The following RTTN variants were observed in gnomAD, a reference collection of about 807,000 sequenced individuals.
RTTN encodes the protein rotatin.
Under a neutral mutation model 269.2 loss-of-function variants are expected in RTTN, and 182 were observed. That is an observed-to-expected ratio of 0.68 (90% CI 0.60 to 0.76). The LOEUF (loss-of-function observed/expected upper bound fraction) is 0.76, where lower values mean the gene tolerates loss of function less well. Among genes scored for constraint, RTTN ranks in the 30% least tolerant of loss-of-function variants. RTTN has a pLI of 0.00. For missense variants in RTTN, 2,545 were observed against 2,608.6 expected (o/e 0.98, Z 0.53); for synonymous variants, 1,006 against 963.5 (o/e 1.04, Z -0.82).
At chr18:70,056,113 G>A (rs2057810375) in intron 37 of RTTN, among the ~76,000 whole-genome samples, 1 of 152,158 alleles carries the variant, frequency 6.6e-6, no homozygotes, top group South Asian at 2.1e-4. Flanking sequence ...CTGCATTTAT[G>A]GCACAGACTC....
At chr18:70,111,066 C>G (rs1431554400) in intron 27 of RTTN, among the ~76,000 whole-genome samples, 1 of 152,206 alleles carries the variant, frequency 6.6e-6, no homozygotes, top group Non-Finnish European at 1.5e-5. Context: ...CAGACAGGGA[C>G]TTATAGATAA....
At chr18:70,114,627 A>G (rs1315702211) in intron 26 of RTTN, 28 bp from the exon 27 acceptor site, 1 of 1,598,170 alleles carries the variant, frequency 6.3e-7, no homozygotes, top group African/African-American at 1.3e-5. Flanking sequence ...TAAAAAATGT[A>G]TTTACTAATT....
chr18:70,051,005 A>G lies in RTTN; in HGVS notation c.5323+406T>C, dbSNP rs139214900. Among the ~76,000 whole-genome samples, 759 of 152,290 alleles carry G rather than the reference A, an allele frequency of 5.0e-3. 5 individuals are homozygous for G. Among genetic ancestry groups the G allele is most frequent in the African/African-American group, 0.017 (720 of 41,566 alleles). On this transcript the variant is annotated intron_variant, in intron 39 of 48. Transcript: ENST00000640769. Reference sequence around the variant, plus strand: ...ACCTAGATGATCGGTTGATAGGTGCAGCAAACCACCATGGCACATGTATTC... The same window carrying G: ...ACCTAGATGATCGGTTGATAGGTGCGGCAAACCACCATGGCACATGTATTC...
chr18:70,113,745 C>CA (rs2059533633), intron 27 of RTTN, among the ~76,000 whole-genome samples: 2 of 152,100 alleles, frequency 1.3e-5, no homozygotes, highest in Admixed American at 1.3e-4. Context: ...CTACAGTATG[C>CA]AAGGAGCTTG....
At chr18:70,166,645 T>G in intron 13 of RTTN, 1 of 309,724 alleles carries the variant, frequency 3.2e-6, no homozygotes. Flanking sequence ...GTGTGAATAG[T>G]CTGGATGGAT....
chr18:70,032,359 G>C (rs765159594), intron 40 of RTTN, among the ~76,000 whole-genome samples: 40 of 152,194 alleles, frequency 2.6e-4, no homozygotes, highest in Admixed American at 5.9e-4. Context: ...TGCTCTAGCA[G>C]AGTGACCCCA....
At chr18:70,037,281 G>A (rs2057203421) in intron 40 of RTTN, among the ~76,000 whole-genome samples, 1 of 152,224 alleles carries the variant, frequency 6.6e-6, no homozygotes, top group Non-Finnish European at 1.5e-5. Context: ...GACACAGGGA[G>A]ACAACAGCCA....
chr18:70,093,240 T>A (rs2058900512), intron 28 of RTTN, among the ~76,000 whole-genome samples: 2 of 119,888 alleles, frequency 1.7e-5, no homozygotes, highest in African/African-American at 5.8e-5. Context: ...AGTTTCAATA[T>A]TTTTCCTTTT....
rs747986892 is a variant in RTTN, at chr18:70,166,057, C to T, written c.1929+5G>A. ...AACAAAACATACGAAAAAACAAAACCTCACCTTCGTGATTTCCAGACAGCA... is the reference window on the plus strand; with the variant it reads ...AACAAAACATACGAAAAAACAAAACTTCACCTTCGTGATTTCCAGACAGCA... On this transcript the variant is annotated splice_donor_5th_base_variant and intron_variant, in intron 14 of 48. Coordinates refer to ENST00000640769, the MANE Select transcript of RTTN (RefSeq NM_173630.4). 6.2e-7 allele frequency: 1 copy of T among 1,612,950 alleles called. No homozygotes were observed. Among genetic ancestry groups the T allele is most frequent in the Admixed American group, 1.7e-5 (1 of 59,972 alleles).
intron 32 of RTTN, among the ~76,000 whole-genome samples, chr18:70,084,393 A>G (rs1219932316): frequency 2.6e-5 from 4 of 152,138 alleles, no homozygotes; most frequent in African/African-American, 7.2e-5. Context: ...ATTCTACCAA[A>G]GACTGTTTGA....
intron 28 of RTTN, among the ~76,000 whole-genome samples, chr18:70,105,391 T>C (rs568745586): frequency 1.4e-3 from 212 of 152,302 alleles, no homozygotes; most frequent in Non-Finnish European, 1.9e-3. Context: ...CCAGGTACCA[T>C]GTGTCACGGC....
intron 28 of RTTN, among the ~76,000 whole-genome samples, chr18:70,103,762 CAAAAAA>C (rs71178846): frequency 4.2e-5 from 5 of 118,034 alleles, no homozygotes; most frequent in Non-Finnish European, 6.7e-5. Flanking sequence ...ATAAATACTT[CAAAAAA>C]AAAAAAAAAA....
chr18:70,086,393 T>C (rs763805027), intron 32 of RTTN, among the ~76,000 whole-genome samples: 9 of 152,118 alleles, frequency 5.9e-5, no homozygotes, highest in Non-Finnish European at 1.2e-4. Flanking sequence ...ATAGTAAACA[T>C]ATGTTAACTA....
chr18:70,013,835 T>G (rs1213252354), intron 46 of RTTN, among the ~76,000 whole-genome samples: 2 of 152,196 alleles, frequency 1.3e-5, no homozygotes, highest in Non-Finnish European at 1.5e-5. Flanking sequence ...CTTCAAATAT[T>G]TCCTCTCCCA....
intron 8 of RTTN, among the ~76,000 whole-genome samples, chr18:70,191,107 T>C (rs1481240591): frequency 6.6e-6 from 1 of 151,810 alleles, no homozygotes; most frequent in Non-Finnish European, 1.5e-5. Context: ...GGCGGGAGAA[T>C]CTTCTGAGCC....
intron 32 of RTTN, among the ~76,000 whole-genome samples, chr18:70,082,629 A>G (rs1395354621): frequency 6.6e-6 from 1 of 152,202 alleles, no homozygotes; most frequent in Admixed American, 6.5e-5. Flanking sequence ...GGGAGCCACA[A>G]TACAGTTTCG....
chr18:70,161,622 A>G (rs2060833373), intron 14 of RTTN, among the ~76,000 whole-genome samples: 1 of 152,232 alleles, frequency 6.6e-6, no homozygotes, highest in East Asian at 1.9e-4. Context: ...TCTAATATCC[A>G]GAATCTATAA....
intron 28 of RTTN, among the ~76,000 whole-genome samples, chr18:70,098,582 T>A (rs2059065889): frequency 6.6e-6 from 1 of 152,094 alleles, no homozygotes; most frequent in Admixed American, 6.5e-5. Flanking sequence ...CAGCAGAAAA[T>A]AACTAATTAG....
chr18:70,118,857 C>T (rs1213743614), intron 26 of RTTN, among the ~76,000 whole-genome samples: 1 of 151,962 alleles, frequency 6.6e-6, no homozygotes, highest in African/African-American at 2.4e-5. Context: ...CCAACAGATG[C>T]AGAAAAAGCA....
Sources: gnomAD v4.1 joint callset for allele counts (sites outside exome capture counted in the v4.1 genomes callset) on GRCh38, gnomAD v4.1.1 for gene constraint, MANE v1.5 for transcripts, NCBI Gene and HGNC (gene_info 2026-07-23, HGNC 2026-07-21) for gene names.